The following SLC6A15 variants were observed in gnomAD, a reference collection of about 807,000 sequenced individuals.
SLC6A15 encodes the protein solute carrier family 6 member 15.
Under a neutral mutation model 68.5 loss-of-function variants are expected in SLC6A15, and 33 were observed. The observed-to-expected ratio is 0.48, with a 90% CI of 0.37 to 0.64. The LOEUF (loss-of-function observed/expected upper bound fraction) is 0.64. SLC6A15 is among the 30% of genes least tolerant of loss of function. The pLI is 0.00. For synonymous variants in SLC6A15, 347 were observed against 301.0 expected, an observed-to-expected ratio of 1.15 and a Z score of -1.58; for missense variants, 747 against 874.3, an observed-to-expected ratio of 0.85 and a Z score of 1.84.
At chr12:84,883,826 T>G in intron 5 of SLC6A15, 33 bp downstream of exon 5, 1 of 1,614,044 alleles carries the variant, frequency 6.2e-7, no homozygotes, top group Non-Finnish European at 8.5e-7. Flanking sequence ...AAATGGTGAT[T>G]AGCAGAATGA....
At chr12:84,864,682 A>G (rs145549895) in intron 10 of SLC6A15, among the ~76,000 whole-genome samples, 30 of 152,216 alleles carry the variant, frequency 2.0e-4, no homozygotes, top group African/African-American at 7.2e-4. Context: ...CAGAATCTTA[A>G]AGGACATCTT....
At chr12:84,864,245 C>T (rs987498961) in intron 10 of SLC6A15, among the ~76,000 whole-genome samples, 2 of 150,860 alleles carry the variant, frequency 1.3e-5, no homozygotes, top group African/African-American at 2.4e-5. Context: ...TTTTACATTC[C>T]GAATTTCTAA....
intron 4 of SLC6A15, 46 bp from the exon 5 acceptor site, chr12:84,884,086 C>T (rs1871963916): frequency 1.3e-6 from 2 of 1,491,104 alleles, no homozygotes; most frequent in African/African-American, 1.4e-5. Flanking sequence ...ATATAAAGAG[C>T]AATGCGACAA....
At chr12:84,894,973 A>C (rs1424040712) in intron 1 of SLC6A15, among the ~76,000 whole-genome samples, 1 of 152,092 alleles carries the variant, frequency 6.6e-6, no homozygotes, top group African/African-American at 2.4e-5. Context: ...GGGTATTTGC[A>C]TGCATTAAAA....
chr12:84,890,880 G>A (rs1276495965), intron 2 of SLC6A15, among the ~76,000 whole-genome samples: 1 of 152,050 alleles, frequency 6.6e-6, no homozygotes, highest in Non-Finnish European at 1.5e-5. Flanking sequence ...TATATACTTT[G>A]TGTCCTGAAA....
chr12:84,885,675 T>C (rs922341408), intron 3 of SLC6A15, 114 bp from the exon 4 acceptor site: 3 of 1,196,346 alleles, frequency 2.5e-6, no homozygotes, highest in Admixed American at 5.2e-5. Flanking sequence ...TTTTATTATT[T>C]ATTTGGGACA....
chr12:84,887,969 T>TA, intron 2 of SLC6A15, among the ~76,000 whole-genome samples: 5 of 152,072 alleles, frequency 3.3e-5, no homozygotes, highest in African/African-American at 1.2e-4. Context: ...CTCATGCCTG[T>TA]AATCTCAGCA....
chr12:84,877,615 C>A (rs1185204602), intron 5 of SLC6A15, among the ~76,000 whole-genome samples: 1 of 152,116 alleles, frequency 6.6e-6, no homozygotes, highest in African/African-American at 2.4e-5. Flanking sequence ...TTCAGAAGCA[C>A]CTCTTCCTTA....
At position 84,868,430 on chromosome 12, in the gene SLC6A15, A is replaced by G. The variant is rs114909249; in HGVS notation, c.1496-1237T>C. ...GTGCTTAAATTCTCAAGCTGGAAGTAGCAGAGTTTGGATCTGCACCCAAAT... is the reference window on the plus strand; with the variant it reads ...GTGCTTAAATTCTCAAGCTGGAAGTGGCAGAGTTTGGATCTGCACCCAAAT... On this transcript the variant is annotated intron_variant, in intron 9 of 11. Coordinates refer to ENST00000266682, the MANE Select transcript of SLC6A15 (RefSeq NM_182767.6). 4.1e-3 allele frequency among the ~76,000 whole-genome samples: 625 copies of G among 152,304 alleles called. 6 individuals carry two copies. Among genetic ancestry groups the G allele is most frequent in the African/African-American group, 0.014 (598 of 41,572 alleles).
chr12:84,865,744 T>C (rs1871036789), intron 10 of SLC6A15, among the ~76,000 whole-genome samples: 1 of 152,236 alleles, frequency 6.6e-6, no homozygotes, highest in African/African-American at 2.4e-5. Context: ...CTTTTTTCAC[T>C]AAGTAATGTG....
intron 9 of SLC6A15, among the ~76,000 whole-genome samples, chr12:84,869,492 T>G (rs964576073): frequency 3.4e-5 from 5 of 146,368 alleles, no homozygotes; most frequent in African/African-American, 1.2e-4. Context: ...AAAAAAGCCT[T>G]GGGGAATTGC....
chr12:84,909,046 G>A (rs768954437), intron 1 of SLC6A15, among the ~76,000 whole-genome samples: 4 of 151,968 alleles, frequency 2.6e-5, no homozygotes, highest in Non-Finnish European at 4.4e-5. Flanking sequence ...CCTAGAACTG[G>A]AACAGCTTGA....
rs1213516627 is a variant in SLC6A15 at position 84,872,678 on chromosome 12, A to G, written c.1226T>C (p.Ile409Thr). The change falls in exon 8 of 12, where the codon ATC (isoleucine) becomes ACC (threonine). Residue 409 changes from isoleucine (I) to threonine (T), a missense_variant. Physicochemically the swap from Ile to Thr is moderately conservative, Grantham distance 89. Transcript: ENST00000266682. ...TAEDYHLVYD[I>T]IQKVKEEEFP... Reference sequence around the variant, plus strand: ...CTCTTCTTCTTTCACTTTTTGAATGATGTCATAAACTAAATGATAATCTTC... The same window carrying G: ...CTCTTCTTCTTTCACTTTTTGAATGGTGTCATAAACTAAATGATAATCTTC... The G allele has an allele frequency of 6.2e-7, 1 of 1,612,630 alleles. No individual in the cohort carries two copies. The highest frequency in any genetic ancestry group is 8.5e-7 in the Non-Finnish European group (1 of 1,179,452).
intron 10 of SLC6A15, among the ~76,000 whole-genome samples, chr12:84,866,456 A>G (rs1489068374): frequency 6.6e-6 from 1 of 152,192 alleles, no homozygotes; most frequent in African/African-American, 2.4e-5. Context: ...TATAAAAATA[A>G]TGTTTCTGTG....
At chr12:84,880,942 G>A in intron 5 of SLC6A15, 1 of 924,910 alleles carries the variant, frequency 1.1e-6, no homozygotes, top group Non-Finnish European at 1.3e-6. Context: ...TGTCTATCAT[G>A]TATTGGTTGC....
rs143944575 is a variant in SLC6A15 at position 84,871,775 on chromosome 12, G to C, written c.1302+827C>G. On this transcript the variant is annotated intron_variant, in intron 8 of 11. Coordinates refer to ENST00000266682, the MANE Select transcript of SLC6A15 (RefSeq NM_182767.6). ...ATTTCTCCATTATATTTTCCTTTTC[G>C]ACATACAGGAGACAGTGGCAGCCAA... is the stretch of plus-strand genomic sequence containing the variant. Among the ~76,000 whole-genome samples, 976 of 151,870 alleles carry C rather than the reference G, an allele frequency of 6.4e-3. 4 individuals carry two copies. The highest frequency in any genetic ancestry group is 0.019 in the African/African-American group (777 of 41,396).
At chr12:84,889,362 C>T (rs200188579) in intron 2 of SLC6A15, among the ~76,000 whole-genome samples, 1 of 151,710 alleles carries the variant, frequency 6.6e-6, no homozygotes, top group Non-Finnish European at 1.5e-5. Flanking sequence ...CGGTGGCGGG[C>T]GCCTGCAGTC....
chr12:84,876,403 A>G (rs1431820721), intron 6 of SLC6A15, 94 bp downstream of exon 6: 2 of 706,610 alleles, frequency 2.8e-6, no homozygotes, highest in Non-Finnish European at 4.6e-6. Context: ...TACATACATT[A>G]GAACAATTAT....
chr12:84,908,590 G>A (rs1194345784), intron 1 of SLC6A15, among the ~76,000 whole-genome samples: 1 of 128,916 alleles, frequency 7.8e-6, no homozygotes, highest in Admixed American at 7.7e-5. Context: ...AAAGGGCAAA[G>A]AGTAAAGAAA....
Sources: allele counts gnomAD v4.1 joint callset (sites outside exome capture counted in the v4.1 genomes callset), GRCh38; gene constraint gnomAD v4.1.1; transcripts MANE v1.5; gene names NCBI Gene and HGNC (gene_info 2026-07-23, HGNC 2026-07-21).